Variants in ROBO2 observed in about 807,000 individuals in gnomAD.
The protein encoded by ROBO2 is roundabout homolog 2.
A neutral mutation model predicts 160.8 loss-of-function variants in ROBO2; 53 were observed. The observed-to-expected ratio is 0.33, with a 90% CI of 0.26 to 0.41. ROBO2 has a LOEUF of 0.41. Among genes scored for constraint, ROBO2 ranks in the 10% least tolerant of loss-of-function variants. The pLI, the probability that ROBO2 is intolerant of heterozygous loss-of-function variation, is 1.00. For missense variants in ROBO2, 1,577 were observed against 1,722.4 expected (o/e 0.92, Z 1.49); for synonymous variants, 664 against 611.7 (o/e 1.09, Z -1.26).
intron 21 of ROBO2, 99 bp from the exon 23 acceptor site, chr3:77,617,414 C>T (rs2094804798): frequency 7.5e-7 from 1 of 1,341,380 alleles, no homozygotes; most frequent in African/African-American, 1.4e-5. Context: ...GAGAACATTT[C>T]AGATACCATG....
chr3:76,454,668 G>A (rs2077659079), intron 2 of ROBO2, among the ~76,000 whole-genome samples: 1 of 152,094 alleles, frequency 6.6e-6, no homozygotes, highest in Non-Finnish European at 1.5e-5. Context: ...TTAATTAAAT[G>A]TAATTATACA....
intron 2 of ROBO2, among the ~76,000 whole-genome samples, chr3:76,745,722 A>G (rs770770528): frequency 2.3e-4 from 35 of 151,784 alleles, no homozygotes; most frequent in Non-Finnish European, 4.9e-4. Context: ...TCTCCTCTGC[A>G]TTTTCTGCAG....
chr3:76,108,814 G>A (rs897862324), intron 2 of ROBO2, among the ~76,000 whole-genome samples: 3 of 151,002 alleles, frequency 2.0e-5, no homozygotes, highest in African/African-American at 7.3e-5. Flanking sequence ...CTATTATTTT[G>A]ATTGTAAAAT....
At chr3:75,962,379 A>G (rs1948947701) in intron 2 of ROBO2, among the ~76,000 whole-genome samples, 1 of 151,966 alleles carries the variant, frequency 6.6e-6, no homozygotes, top group Non-Finnish European at 1.5e-5. Flanking sequence ...GGAATTAGAC[A>G]TAGTCAATGG....
At chr3:76,566,023 A>G (rs1264374591) in intron 2 of ROBO2, among the ~76,000 whole-genome samples, 1 of 152,168 alleles carries the variant, frequency 6.6e-6, no homozygotes, top group East Asian at 1.9e-4. Flanking sequence ...AACTGTGAGC[A>G]TGTACTTGGG....
intron 2 of ROBO2, among the ~76,000 whole-genome samples, chr3:76,448,748 G>A (rs1577266902): frequency 6.6e-6 from 1 of 152,090 alleles, no homozygotes; most frequent in Non-Finnish European, 1.5e-5. Context: ...CTTTACATTT[G>A]TTAATTCATC....
At chr3:77,068,288 T>TATG (rs1262413630) in intron 1 of ROBO2, among the ~76,000 whole-genome samples, 1 of 152,140 alleles carries the variant, frequency 6.6e-6, no homozygotes, top group East Asian at 1.9e-4. Flanking sequence ...AAGAAAGCTT[T>TATG]ATGTCTTATG....
intron 2 of ROBO2, among the ~76,000 whole-genome samples, chr3:76,101,129 C>T (rs1397508325): frequency 1.3e-5 from 2 of 151,894 alleles, no homozygotes; most frequent in African/African-American, 4.8e-5. Context: ...TCCAGAAAGC[C>T]GGTAATCGTC....
At chr3:77,158,685 T>C (rs2078227693) in intron 2 of ROBO2, among the ~76,000 whole-genome samples, 1 of 152,104 alleles carries the variant, frequency 6.6e-6, no homozygotes. Flanking sequence ...CTAGAAGAGT[T>C]TGTCTTCCGA....
chr3:76,454,947 T>G (rs2077675615), intron 2 of ROBO2, among the ~76,000 whole-genome samples: 2 of 152,034 alleles, frequency 1.3e-5, no homozygotes, highest in South Asian at 2.1e-4. Context: ...AACACCTACT[T>G]AAAAAATAAA....
At chr3:76,992,578 A>G (rs2060746743) in intron 2 of ROBO2, among the ~76,000 whole-genome samples, 1 of 151,376 alleles carries the variant, frequency 6.6e-6, no homozygotes, top group Admixed American at 6.6e-5. Context: ...ACTTGGACCA[A>G]TTTTTCATGG....
chr3:77,044,079 T>A (rs550639373), intron 1 of ROBO2, among the ~76,000 whole-genome samples: 2 of 152,152 alleles, frequency 1.3e-5, no homozygotes, highest in East Asian at 3.9e-4. Flanking sequence ...CATGTTTGAA[T>A]TGGCTTTGTT....
chr3:76,030,432 G>T (rs1435152413), intron 2 of ROBO2, among the ~76,000 whole-genome samples: 3 of 152,108 alleles, frequency 2.0e-5, no homozygotes, highest in African/African-American at 4.8e-5. Context: ...TAGTCATGAA[G>T]TCCTTGCCCA....
intron 2 of ROBO2, among the ~76,000 whole-genome samples, chr3:77,334,821 G>A (rs1025585176): frequency 8.5e-5 from 13 of 152,214 alleles, no homozygotes; most frequent in African/African-American, 3.1e-4. Context: ...AGATTTACTT[G>A]TGGACCTGAA....
intron 2 of ROBO2, among the ~76,000 whole-genome samples, chr3:76,430,079 CTCT>C (rs2076376869): frequency 2.0e-5 from 3 of 152,122 alleles, no homozygotes; most frequent in Non-Finnish European, 4.4e-5. Flanking sequence ...GGGGATATGT[CTCT>C]TCCTAGTTAA....
At chr3:76,264,931 A>C (rs191669025) in intron 2 of ROBO2, among the ~76,000 whole-genome samples, 1 of 152,154 alleles carries the variant, frequency 6.6e-6, no homozygotes, top group Non-Finnish European at 1.5e-5. Flanking sequence ...TTCTCTATAT[A>C]CTTTCCTCCC....
intron 2 of ROBO2, among the ~76,000 whole-genome samples, chr3:77,455,673 G>A (rs914730032): frequency 5.9e-5 from 9 of 151,464 alleles, no homozygotes; most frequent in East Asian, 1.9e-4. Context: ...CTCGTGATCC[G>A]CCCGCCTCGG....
chr3:76,376,948 G>A (rs2076377331), intron 2 of ROBO2, among the ~76,000 whole-genome samples: 1 of 152,108 alleles, frequency 6.6e-6, no homozygotes, highest in Admixed American at 6.6e-5. Context: ...TGGGTTCTGG[G>A]TGTTGCTAAA....
chr3:77,180,339 T>G (rs1168001030), intron 2 of ROBO2, among the ~76,000 whole-genome samples: 1 of 150,808 alleles, frequency 6.6e-6, no homozygotes, highest in African/African-American at 2.4e-5. Context: ...TTTAACTGAT[T>G]TTGAAGAAGA....
Sources: allele counts gnomAD v4.1 joint callset (sites outside exome capture counted in the v4.1 genomes callset), GRCh38; gene constraint gnomAD v4.1.1; transcripts MANE v1.5; gene names NCBI Gene and HGNC (gene_info 2026-07-23, HGNC 2026-07-21).